The following HDHD2 variants were observed in gnomAD, a reference collection of about 807,000 sequenced individuals.
HDHD2 encodes the protein haloacid dehalogenase-like hydrolase domain-containing protein 2.
In HDHD2, 26 loss-of-function variants were observed where a neutral mutation model predicts 24.8. The ratio of observed to expected loss-of-function variants is 1.05; its 90% confidence interval spans 0.77 to 1.45. The LOEUF (loss-of-function observed/expected upper bound fraction) is 1.45, where lower values mean the gene tolerates loss of function less well. Ranked by LOEUF, HDHD2 falls within the 40% of genes most tolerant of loss-of-function variation. HDHD2 has a pLI of 0.00. For missense variants in HDHD2, 299 were observed against 313.4 expected (o/e 0.95, Z 0.35); for synonymous variants, 128 against 114.9 (o/e 1.11, Z -0.73).
intron 1 of HDHD2, among the ~76,000 whole-genome samples, chr18:47,148,367 C>T (rs1453490404): frequency 1.3e-5 from 2 of 152,082 alleles, no homozygotes; most frequent in East Asian, 3.8e-4. Context: ...CTAATATAAC[C>T]CTCAAAATAA....
At chr18:47,123,460 T>C (rs965105241) in intron 4 of HDHD2, among the ~76,000 whole-genome samples, 1 of 152,054 alleles carries the variant, frequency 6.6e-6, no homozygotes, top group Non-Finnish European at 1.5e-5. Flanking sequence ...TGGTGGCGCA[T>C]GCTTGTACTC....
intron 4 of HDHD2, among the ~76,000 whole-genome samples, chr18:47,127,551 A>G (rs1440077967): frequency 1.3e-5 from 2 of 152,274 alleles, no homozygotes; most frequent in South Asian, 4.1e-4. Context: ...AGGTTGGATT[A>G]TAAGTGACTT....
At chr18:47,130,397 G>A in intron 3 of HDHD2, 69 bp from the exon 4 acceptor site, 1 of 1,040,894 alleles carries the variant, frequency 9.6e-7, no homozygotes, top group Non-Finnish European at 1.4e-6. Context: ...TAAAAAAGTA[G>A]TCTTAGTCAA....
intron 6 of HDHD2, among the ~76,000 whole-genome samples, chr18:47,112,061 A>C (rs1348368684): frequency 1.3e-5 from 2 of 152,212 alleles, no homozygotes; most frequent in African/African-American, 4.8e-5. Context: ...ATGTGCTGTT[A>C]ATTCCAAATG....
At chr18:47,129,871 G>A (rs1480541159) in intron 4 of HDHD2, among the ~76,000 whole-genome samples, 2 of 151,990 alleles carry the variant, frequency 1.3e-5, no homozygotes, top group African/African-American at 4.8e-5. Flanking sequence ...CCCAAGAGTT[G>A]GAGACCTCCC....
At chr18:47,132,024 G>A (rs1463394785) in intron 3 of HDHD2, among the ~76,000 whole-genome samples, 2 of 152,126 alleles carry the variant, frequency 1.3e-5, no homozygotes, top group East Asian at 1.9e-4. Flanking sequence ...TTATGTAATG[G>A]GGACTTTTTT....
intron 3 of HDHD2, among the ~76,000 whole-genome samples, chr18:47,132,450 T>G (rs999796056): frequency 6.6e-6 from 1 of 152,222 alleles, no homozygotes; most frequent in Non-Finnish European, 1.5e-5. Flanking sequence ...ATTTTAGAGA[T>G]AGATTCCTAC....
rs1480146255 is a variant in HDHD2 at position 47,110,572 on chromosome 18, T to C, written c.677-1787A>G. ...CTTTTGCTTAGTCTGGCTCTGCAAGTGGGGTTTCTACAAAATAGAAATTGA... is the reference window on the plus strand; with the variant it reads ...CTTTTGCTTAGTCTGGCTCTGCAAGCGGGGTTTCTACAAAATAGAAATTGA... On this transcript the variant is annotated intron_variant, in intron 6 of 6. Coordinates refer to ENST00000300605, the MANE Select transcript of HDHD2 (RefSeq NM_032124.5). The C allele has an allele frequency of 1.1e-5, 11 of 985,242 alleles. No homozygotes were observed. The East Asian group carries it at 1.2e-3, about 112-fold the overall frequency. 61.0% of individuals were successfully genotyped at this position (985,242 alleles called of 1,614,324 possible).
intron 1 of HDHD2, among the ~76,000 whole-genome samples, chr18:47,143,373 G>C (rs1339901235): frequency 6.6e-6 from 1 of 152,104 alleles, no homozygotes; most frequent in Non-Finnish European, 1.5e-5. Context: ...CAGGAGTATG[G>C]GGCTGCAGTG....
intron 1 of HDHD2, among the ~76,000 whole-genome samples, chr18:47,145,754 A>G (rs1324695747): frequency 6.6e-6 from 1 of 152,258 alleles, no homozygotes; most frequent in Non-Finnish European, 1.5e-5. Context: ...ATTGAAGAAA[A>G]GACAGATAAA....
At chr18:47,139,962 G>A (rs1016267084) in intron 1 of HDHD2, among the ~76,000 whole-genome samples, 7 of 152,234 alleles carry the variant, frequency 4.6e-5, no homozygotes, top group African/African-American at 2.4e-5. Context: ...AGAACTAATG[G>A]CAATATTGCT....
rs539553682 is a variant in HDHD2 at position 47,148,281 on chromosome 18, A to C, written c.-11+2097T>G. On this transcript the variant is annotated intron_variant, in intron 1 of 6. Transcript: ENST00000300605. ...GCTGGGATTACAGGTATGAGCCACC[A>C]AGCCTTGTCTGAACATGTATAATAC... is the stretch of plus-strand genomic sequence containing the variant. Among the ~76,000 whole-genome samples, 210 of 152,220 alleles carry C rather than the reference A, an allele frequency of 1.4e-3. 1 individual carries two copies. The highest frequency in any genetic ancestry group is 2.2e-3 in the Non-Finnish European group (150 of 68,002).
chr18:47,108,468 G>A lies in HDHD2; in HGVS notation c.*214C>T, dbSNP rs2063490420. The A allele has an allele frequency of 1.5e-5, 6 of 410,332 alleles. No homozygotes were observed. The South Asian group carries it at 4.5e-4, about 31-fold the overall frequency. The allele number at this position is 410,332 out of a possible 1,614,324, so 25.4% of individuals were successfully genotyped here. A position where few individuals can be genotyped will look rare whatever the true frequency, so the allele number is the denominator to read the frequency against. On this transcript the variant is annotated 3_prime_UTR_variant, in exon 7 of 7. Transcript: ENST00000300605. ...AAAATCTCAGCTTTCCCTTTCTTTGGGTCTCATCTTCAGTTACAAAATAAA... is the reference window on the plus strand; with the variant it reads ...AAAATCTCAGCTTTCCCTTTCTTTGAGTCTCATCTTCAGTTACAAAATAAA...
At chr18:47,119,364 A>G (rs190623021) in intron 4 of HDHD2, among the ~76,000 whole-genome samples, 3 of 152,348 alleles carry the variant, frequency 2.0e-5, no homozygotes, top group Admixed American at 2.0e-4. Context: ...TTATCAGTTA[A>G]GTTTATGTAA....
intron 1 of HDHD2, among the ~76,000 whole-genome samples, chr18:47,142,407 C>T (rs566296401): frequency 4.1e-4 from 63 of 152,064 alleles, no homozygotes; most frequent in Non-Finnish European, 8.4e-4. Flanking sequence ...GTTTATTGAC[C>T]CTGTGCTAGG....
At chr18:47,115,011 T>C (rs2063546113) in intron 5 of HDHD2, 121 bp downstream of exon 5, 2 of 657,738 alleles carry the variant, frequency 3.0e-6, no homozygotes, top group Admixed American at 5.8e-5. Flanking sequence ...GGTAGCCATT[T>C]ATATATATAC....
intron 5 of HDHD2, among the ~76,000 whole-genome samples, chr18:47,114,921 T>C (rs1181284993): frequency 6.6e-6 from 1 of 151,926 alleles, no homozygotes; most frequent in African/African-American, 2.4e-5. Context: ...TATTACGCTA[T>C]GGAGAAATGT....
At chr18:47,134,771 T>A in intron 2 of HDHD2, 67 bp from the exon 3 acceptor site, 2 of 1,322,784 alleles carry the variant, frequency 1.5e-6, no homozygotes, top group Non-Finnish European at 2.1e-6. Flanking sequence ...AATCTCCTAA[T>A]TTGTTAAAAC....
intron 1 of HDHD2, among the ~76,000 whole-genome samples, chr18:47,143,428 T>C (rs1482142642): frequency 6.6e-6 from 1 of 152,184 alleles, no homozygotes; most frequent in African/African-American, 2.4e-5. Flanking sequence ...ACTATATCCC[T>C]AAAACACACA....
Sources: gnomAD v4.1 joint callset for allele counts (sites outside exome capture counted in the v4.1 genomes callset) on GRCh38, gnomAD v4.1.1 for gene constraint, MANE v1.5 for transcripts, NCBI Gene and HGNC (gene_info 2026-07-23, HGNC 2026-07-21) for gene names.